The following GUCY1A2 variants were observed in gnomAD, a reference collection of about 807,000 sequenced individuals.
The protein encoded by GUCY1A2 is guanylate cyclase soluble subunit alpha-2.
Under a neutral mutation model 63.5 loss-of-function variants are expected in GUCY1A2, and 27 were observed. The ratio of observed to expected loss-of-function variants is 0.43; its 90% CI spans 0.31 to 0.59. The LOEUF (loss-of-function observed/expected upper bound fraction) is 0.59, where lower values mean the gene tolerates loss of function less well. Among genes scored for constraint, GUCY1A2 ranks in the 20% least tolerant of loss-of-function variants. The pLI is 0.11. For missense variants in GUCY1A2, 768 were observed against 913.3 expected (o/e 0.84, Z 2.05); for synonymous variants, 364 against 343.5 (o/e 1.06, Z -0.66).
chr11:106,859,323 A>G (rs1019986440), intron 4 of GUCY1A2, among the ~76,000 whole-genome samples: 2 of 152,016 alleles, frequency 1.3e-5, no homozygotes, highest in Non-Finnish European at 1.5e-5. Flanking sequence ...TTTATTACCA[A>G]CAGGGGATAA....
intron 3 of GUCY1A2, among the ~76,000 whole-genome samples, chr11:106,955,059 A>ACCTCTG (rs1229120256): frequency 6.6e-6 from 1 of 151,050 alleles, no homozygotes; most frequent in Non-Finnish European, 1.5e-5. Flanking sequence ...GCTCACCGCA[A>ACCTCTG]CCTCCCAGGT....
intron 5 of GUCY1A2, among the ~76,000 whole-genome samples, chr11:106,801,306 C>T (rs1326763775): frequency 1.3e-5 from 2 of 152,060 alleles, no homozygotes; most frequent in African/African-American, 4.8e-5. Flanking sequence ...TTCTTTTCAG[C>T]CTCATAACAG....
chr11:106,780,090 G>C (rs183483867), intron 5 of GUCY1A2, among the ~76,000 whole-genome samples: 1 of 152,238 alleles, frequency 6.6e-6, no homozygotes, highest in Admixed American at 6.5e-5. Context: ...GAGCCCAGGA[G>C]ATCAAGGCTG....
intron 4 of GUCY1A2, among the ~76,000 whole-genome samples, chr11:106,873,159 C>T (rs184260295): frequency 2.4e-4 from 36 of 152,192 alleles, no homozygotes; most frequent in African/African-American, 7.0e-4. Context: ...TTTCTTTATC[C>T]GGTCTATCAT....
At chr11:106,744,662 A>G (rs1206463538) in intron 6 of GUCY1A2, among the ~76,000 whole-genome samples, 1 of 152,096 alleles carries the variant, frequency 6.6e-6, no homozygotes, top group Non-Finnish European at 1.5e-5. Flanking sequence ...GCCATATAAA[A>G]CCTGTTTTAC....
chr11:106,901,762 T>G (rs1860137162), intron 4 of GUCY1A2, among the ~76,000 whole-genome samples: 1 of 152,026 alleles, frequency 6.6e-6, no homozygotes, highest in East Asian at 1.9e-4. Flanking sequence ...TTGGGATAGT[T>G]TGCTGTGAAT....
chr11:106,676,694 A>G lies in GUCY1A2; in HGVS notation c.*10855T>C, dbSNP rs1591224675. On this transcript the variant is annotated 3_prime_UTR_variant, in exon 8 of 8. Coordinates refer to ENST00000526355, the MANE Select transcript of GUCY1A2 (RefSeq NM_000855.3). ...AGTAAAATCAAGTTGCATTTGATGT[A>G]TACATCTTATTGGGAGTAGTTTTCA... 1.0e-5 allele frequency: 2 copies of G among 192,668 alleles called. No individual in the cohort carries two copies. Among genetic ancestry groups the G allele is most frequent in the East Asian group, 1.6e-4 (2 of 12,272 alleles). The allele number at this position is 192,668 out of a possible 1,614,324, so 11.9% of individuals were successfully genotyped here.
intron 4 of GUCY1A2, chr11:106,824,013 G>T: frequency 1.6e-6 from 2 of 1,243,104 alleles, no homozygotes; most frequent in Non-Finnish European, 1.1e-6. Context: ...TGTTTTCCGT[G>T]ATTCCTTCAA....
At chr11:106,924,646 C>A (rs113202136) in intron 4 of GUCY1A2, among the ~76,000 whole-genome samples, 191 of 152,136 alleles carry the variant, frequency 1.3e-3, no homozygotes, top group African/African-American at 4.3e-3. Context: ...ATATTTGCAA[C>A]GGGAGTCAAA....
chr11:106,733,172 G>T (rs2135372954), intron 6 of GUCY1A2, among the ~76,000 whole-genome samples: 1 of 152,094 alleles, frequency 6.6e-6, no homozygotes, highest in South Asian at 2.1e-4. Context: ...ACTGCTGGTT[G>T]CAATCTTTTA....
At chr11:106,975,631 C>G (rs1021611680) in intron 3 of GUCY1A2, among the ~76,000 whole-genome samples, 2 of 152,080 alleles carry the variant, frequency 1.3e-5, no homozygotes, top group Non-Finnish European at 2.9e-5. Flanking sequence ...AGAAACAGAC[C>G]ATAATCAATA....
chr11:106,863,874 G>A (rs1266502122), intron 4 of GUCY1A2, among the ~76,000 whole-genome samples: 1 of 152,014 alleles, frequency 6.6e-6, no homozygotes, highest in African/African-American at 2.4e-5. Context: ...GTATTCCTGG[G>A]TATTTTATTC....
At position 106,680,498 on chromosome 11, in the gene GUCY1A2, C is replaced by G. The variant is rs11211859; in HGVS notation, c.*7051G>C. The G allele has an allele frequency of 0.069, 13,825 of 199,754 alleles. 775 individuals are homozygous for G. Among genetic ancestry groups the G allele is most frequent in the Admixed American group, 0.14 (2,363 of 16,556 alleles). 12.4% of individuals were successfully genotyped at this position (199,754 alleles called of 1,614,324 possible). On this transcript the variant is annotated 3_prime_UTR_variant, in exon 8 of 8. Transcript: ENST00000526355. ...TGCTTTTAAATAATAAGCAACAATA[C>G]TTAAGTCTAATATAAAGAATGATCT...
intron 4 of GUCY1A2, among the ~76,000 whole-genome samples, chr11:106,900,221 T>G (rs1320319382): frequency 6.6e-6 from 1 of 152,188 alleles, no homozygotes; most frequent in Non-Finnish European, 1.5e-5. Flanking sequence ...GTCTTCTCTA[T>G]CACCCAGGCT....
Position 106,787,793 on chromosome 11 carries a change from C to T in GUCY1A2, c.1693-11211G>A, listed in dbSNP as rs1007742897. Among the ~76,000 whole-genome samples the T allele has an allele frequency of 5.9e-5, 9 of 151,776 alleles. No homozygotes were observed. In the East Asian group the frequency reaches 1.6e-3, roughly 26 times the overall value. On this transcript the variant is annotated intron_variant, in intron 5 of 7. Transcript: ENST00000526355. ...CTTTATTCATTTGTCTGTTGATGGA[C>T]ACTTAGGTTTCTTCCAAATCTTGGC...
chr11:106,785,985 G>C (rs551887335), intron 5 of GUCY1A2, among the ~76,000 whole-genome samples: 2 of 151,858 alleles, frequency 1.3e-5, no homozygotes, highest in East Asian at 3.9e-4. Flanking sequence ...CATCCATAGG[G>C]TAATAAACTT....
At chr11:106,938,686 A>C (rs1250567452) in intron 4 of GUCY1A2, among the ~76,000 whole-genome samples, 7 of 152,116 alleles carry the variant, frequency 4.6e-5, no homozygotes, top group African/African-American at 1.7e-4. Context: ...TTTTCTTTAC[A>C]TTTTATTATC....
chr11:106,809,212 C>A (rs1178578926), intron 5 of GUCY1A2, among the ~76,000 whole-genome samples: 6 of 152,056 alleles, frequency 3.9e-5, no homozygotes, highest in Non-Finnish European at 8.8e-5. Flanking sequence ...CTGCAGCTCA[C>A]AACTATTTAT....
chr11:106,810,005 C>A lies in GUCY1A2; in HGVS notation c.1680G>T (p.Leu560Phe), dbSNP rs1390742015. Residue 560 changes from leucine to phenylalanine, a missense_variant, in exon 5 of 8, where the codon TTG (leucine) becomes TTT (phenylalanine). Physicochemically the swap from Leu to Phe is conservative, Grantham distance 22. Transcript: ENST00000526355. ...TAAACTCCCTTACCTTATAAATATC[C>A]AAAAATCCACACTGGTGGTCAAATC... Reference protein sequence around the residue: ...YTRFDHQCGFLDIYKVETIGD... With the variant: ...YTRFDHQCGFFDIYKVETIGD... The A allele has an allele frequency of 1.3e-6, 2 of 1,597,548 alleles. No individual in the cohort carries two copies. Among genetic ancestry groups the A allele is most frequent in the Non-Finnish European group, 1.7e-6 (2 of 1,166,454 alleles).
Sources: allele counts gnomAD v4.1 joint callset (sites outside exome capture counted in the v4.1 genomes callset), GRCh38; gene constraint gnomAD v4.1.1; transcripts MANE v1.5; gene names NCBI Gene and HGNC (gene_info 2026-07-23, HGNC 2026-07-21).